The following ZBBX variants were observed in gnomAD, a reference collection of about 807,000 sequenced individuals.
The protein encoded by ZBBX is zinc finger B-box domain containing, also known as zinc finger B-box domain-containing protein 1.
In ZBBX, 101 loss-of-function variants were observed where a neutral mutation model predicts 108.5. That is an observed-to-expected ratio of 0.93 (90% CI 0.79 to 1.10). The LOEUF is 1.10. Ranked by LOEUF, ZBBX falls within the 50% of genes least tolerant of loss-of-function variation. The probability of loss-of-function intolerance (pLI) is 0.00; values close to 1 mark genes in which losing one functional copy is unlikely to be tolerated. For synonymous variants in ZBBX, 356 were observed against 323.4 expected (o/e 1.10, Z -1.08); for missense variants, 1,009 against 941.4 (o/e 1.07, Z -0.94).
At chr3:167,323,244 G>C (rs1045056730) in intron 11 of ZBBX, among the ~76,000 whole-genome samples, 9 of 142,656 alleles carry the variant, frequency 6.3e-5, no homozygotes, top group East Asian at 4.0e-4. Flanking sequence ...AAAGAGGGGG[G>C]GGGGGGAAAG....
intron 18 of ZBBX, among the ~76,000 whole-genome samples, chr3:167,292,311 C>T (rs1262487363): frequency 1.3e-5 from 2 of 152,134 alleles, no homozygotes. Flanking sequence ...GGAAGTAAAA[C>T]CCTCCTCAGC....
intron 11 of ZBBX, 48 bp downstream of exon 11, chr3:167,327,894 A>T: frequency 6.5e-7 from 1 of 1,534,758 alleles, no homozygotes; most frequent in Non-Finnish European, 8.7e-7. Flanking sequence ...AGCCTGGGCA[A>T]CAAAGTGAGA....
chr3:167,243,926 A>T (rs1458688051), intron 20 of ZBBX, among the ~76,000 whole-genome samples: 1 of 152,030 alleles, frequency 6.6e-6, no homozygotes, highest in Non-Finnish European at 1.5e-5. Context: ...ATCATGATGC[A>T]TGGGTACGTT....
At chr3:167,179,481 G>T in the ZBBX span, among the ~76,000 whole-genome samples, 1 of 152,228 alleles carries the variant, frequency 6.6e-6, no homozygotes, top group Non-Finnish European at 1.5e-5. Flanking sequence ...GCCCTAATGT[G>T]AGTGATGTAA....
chr3:167,330,252 G>A (rs143404198), intron 10 of ZBBX, among the ~76,000 whole-genome samples: 50 of 152,204 alleles, frequency 3.3e-4, no homozygotes, highest in Non-Finnish European at 4.9e-4. Context: ...ACATATTAAC[G>A]TTTGTGTAAA....
In ZBBX at chr3:167,301,439, G is replaced by A. The variant is rs113174210; in HGVS notation, c.1726-2981C>T. ...CCTCTCCTACTGAATTGAAGAGAAC[G>A]GCAGGAAAGAGTTTTCCCAGTGAAT... On this transcript the variant is annotated intron_variant, in intron 17 of 21. Coordinates refer to ENST00000675490, the MANE Select transcript of ZBBX (RefSeq NM_001199201.2). Among the ~76,000 whole-genome samples the A allele has an allele frequency of 7.2e-3, 1,101 of 152,282 alleles. 12 individuals are homozygous for A. The highest frequency in any genetic ancestry group is 0.024 in the African/African-American group (997 of 41,556).
chr3:167,198,151 A>G, the ZBBX span, among the ~76,000 whole-genome samples: 1 of 152,088 alleles, frequency 6.6e-6, no homozygotes, highest in Non-Finnish European at 1.5e-5. Flanking sequence ...TGAAACCATA[A>G]TAACCTTTCT....
At chr3:167,300,918 T>G (rs1434512858) in intron 17 of ZBBX, among the ~76,000 whole-genome samples, 1 of 142,774 alleles carries the variant, frequency 7.0e-6, no homozygotes, top group Non-Finnish European at 1.5e-5. Context: ...GCCTGGCCTT[T>G]TTTTTTTTTT....
intron 14 of ZBBX, 100 bp from the exon 15 acceptor site, chr3:167,315,929 C>T (rs1735377221): frequency 1.5e-6 from 1 of 681,334 alleles, no homozygotes; most frequent in Non-Finnish European, 2.4e-6. Context: ...ATTTTTCCTA[C>T]AAATGATGTT....
chr3:167,387,663 AG>A (rs1215149192), intron 1 of ZBBX, among the ~76,000 whole-genome samples: 4 of 152,046 alleles, frequency 2.6e-5, no homozygotes, highest in Admixed American at 2.6e-4. Flanking sequence ...GGTGGAAGGA[AG>A]TCATACAATT....
At chr3:167,379,306 C>A (rs748223503) in intron 2 of ZBBX, among the ~76,000 whole-genome samples, 2 of 152,160 alleles carry the variant, frequency 1.3e-5, no homozygotes, top group African/African-American at 4.8e-5. Context: ...ACTGAACTTA[C>A]ACTCTGGTGA....
intron 20 of ZBBX, among the ~76,000 whole-genome samples, chr3:167,275,108 A>C (rs1727275567): frequency 6.6e-6 from 1 of 152,162 alleles, no homozygotes; most frequent in Admixed American, 6.5e-5. Flanking sequence ...TCCTTTTATT[A>C]AGTTGGCTAA....
chr3:167,375,427 A>T (rs544319302), intron 2 of ZBBX, among the ~76,000 whole-genome samples: 1 of 151,990 alleles, frequency 6.6e-6, no homozygotes, highest in South Asian at 2.1e-4. Context: ...CCCCATCTCT[A>T]CTAAAAATAC....
At chr3:167,213,988 G>A in the ZBBX span, among the ~76,000 whole-genome samples, 1 of 152,090 alleles carries the variant, frequency 6.6e-6, no homozygotes, top group Non-Finnish European at 1.5e-5. Context: ...CAAATTTTGA[G>A]GGACTTCATT....
intron 20 of ZBBX, chr3:167,248,636 T>C (rs1266896904): frequency 8.8e-6 from 4 of 456,496 alleles, no homozygotes; most frequent in Admixed American, 7.0e-5. Context: ...GACTCCAAGC[T>C]TCAGGCTGAG....
chr3:167,302,911 C>T (rs1194817762), intron 17 of ZBBX, among the ~76,000 whole-genome samples: 1 of 152,164 alleles, frequency 6.6e-6, no homozygotes, highest in East Asian at 1.9e-4. Flanking sequence ...CCTGCCTGAC[C>T]TTTGCCAGAG....
chr3:167,179,370 G>A, the ZBBX span, among the ~76,000 whole-genome samples: 1 of 152,216 alleles, frequency 6.6e-6, no homozygotes, highest in Non-Finnish European at 1.5e-5. Context: ...GCATTAGCAT[G>A]GGCTAAATTG....
intron 11 of ZBBX, among the ~76,000 whole-genome samples, chr3:167,326,292 AT>A: frequency 6.6e-6 from 1 of 152,168 alleles, no homozygotes; most frequent in South Asian, 2.1e-4. Flanking sequence ...GTGTTACCTC[AT>A]TTTTTTGTGT....
the ZBBX span, among the ~76,000 whole-genome samples, chr3:167,194,719 T>A: frequency 6.6e-6 from 1 of 152,208 alleles, no homozygotes; most frequent in South Asian, 2.1e-4. Flanking sequence ...CATTTTTGAC[T>A]ATCCCAACTG....
Sources: gnomAD v4.1 joint callset for allele counts (sites outside exome capture counted in the v4.1 genomes callset) on GRCh38, gnomAD v4.1.1 for gene constraint, MANE v1.5 for transcripts, NCBI Gene and HGNC (gene_info 2026-07-23, HGNC 2026-07-21) for gene names.